ARHGAP24: variants seen among roughly 807,000 people sequenced by gnomAD.
ARHGAP24 encodes the protein Rho GTPase activating protein 24, also known as rho GTPase-activating protein 24.
Under a neutral mutation model 76.4 loss-of-function variants are expected in ARHGAP24, and 50 were observed. That is an observed-to-expected ratio of 0.65 (90% CI 0.52 to 0.83). The LOEUF (loss-of-function observed/expected upper bound fraction) is 0.83. ARHGAP24 is among the 40% of genes least tolerant of loss of function. The pLI, the probability that ARHGAP24 is intolerant of heterozygous loss-of-function variation, is 0.00. For synonymous variants in ARHGAP24, 345 were observed against 323.3 expected (o/e 1.07, Z -0.72); for missense variants, 930 against 914.2 (o/e 1.02, Z -0.22).
intron 5 of ARHGAP24, among the ~76,000 whole-genome samples, chr4:85,960,816 C>CT (rs1738200553): frequency 6.6e-6 from 1 of 152,070 alleles, no homozygotes; most frequent in Admixed American, 6.6e-5. Context: ...AGTCATAGTC[C>CT]TATCTATGAA....
chr4:85,691,013 C>G (rs2110017700), intron 2 of ARHGAP24, among the ~76,000 whole-genome samples: 1 of 152,188 alleles, frequency 6.6e-6, no homozygotes, highest in South Asian at 2.1e-4. Flanking sequence ...ACACTGCTTT[C>G]ATCGCATCCC....
rs1235272575 is a variant in ARHGAP24, at chr4:85,475,356, G to C, written c.-224G>C. ...ATCCCCCCAACTTCCCATCGCAGGC[G>C]CAGCTCTCTCGGCCGCCTATTTCCT... On this transcript the variant is annotated 5_prime_UTR_variant, in exon 1 of 10. Transcript: ENST00000395184. The C allele has an allele frequency of 6.5e-6, 1 of 152,858 alleles. No individual in the cohort carries two copies. The highest frequency in any genetic ancestry group is 2.4e-5 in the African/African-American group (1 of 41,438). The allele number at this position is 152,858 out of a possible 1,614,324, so 9.5% of individuals were successfully genotyped here. A position where few individuals can be genotyped will look rare whatever the true frequency, so the allele number is the denominator to read the frequency against.
intron 3 of ARHGAP24, among the ~76,000 whole-genome samples, chr4:85,834,854 T>C (rs345369): frequency 0.95 from 144,284 of 152,222 alleles, 68,871 homozygotes; most frequent in East Asian, 1. Context: ...TCCATTTATG[T>C]GAAAACCCAA....
chr4:85,773,122 A>G (rs1042718935), intron 3 of ARHGAP24, among the ~76,000 whole-genome samples: 16 of 152,308 alleles, frequency 1.1e-4, no homozygotes, highest in Middle Eastern at 3.4e-3. Context: ...GCCTTCTAAC[A>G]TCTTCCTACC....
chr4:85,767,775 G>A (rs1041795112), intron 3 of ARHGAP24, among the ~76,000 whole-genome samples: 19 of 152,180 alleles, frequency 1.2e-4, no homozygotes, highest in African/African-American at 4.6e-4. Flanking sequence ...AAGGCTCTTA[G>A]CAAACTATGA....
chr4:85,919,154 T>C (rs954892629), intron 3 of ARHGAP24, among the ~76,000 whole-genome samples: 3 of 152,198 alleles, frequency 2.0e-5, no homozygotes, highest in African/African-American at 7.2e-5. Flanking sequence ...ATTTCACCTC[T>C]TGAAAGAATT....
At chr4:85,904,206 G>A (rs1291962569) in intron 3 of ARHGAP24, among the ~76,000 whole-genome samples, 1 of 152,184 alleles carries the variant, frequency 6.6e-6, no homozygotes, top group Non-Finnish European at 1.5e-5. Context: ...AAGCATAGCA[G>A]CATCTGCTTC....
At chr4:85,887,336 G>C (rs977468127) in intron 3 of ARHGAP24, among the ~76,000 whole-genome samples, 1 of 152,038 alleles carries the variant, frequency 6.6e-6, no homozygotes, top group South Asian at 2.1e-4. Context: ...TCTCATCCAA[G>C]GTTAATTAAT....
chr4:85,894,235 G>A (rs796205430), intron 3 of ARHGAP24, among the ~76,000 whole-genome samples: 14 of 152,180 alleles, frequency 9.2e-5, no homozygotes, highest in African/African-American at 3.4e-4. Flanking sequence ...AGAGAAGAGA[G>A]GGAGATGTCA....
At chr4:85,816,689 T>C (rs936410849) in intron 3 of ARHGAP24, among the ~76,000 whole-genome samples, 1 of 152,240 alleles carries the variant, frequency 6.6e-6, no homozygotes, top group African/African-American at 2.4e-5. Flanking sequence ...GAGGTTGATT[T>C]TATATCTTGG....
intron 1 of ARHGAP24, among the ~76,000 whole-genome samples, chr4:85,557,025 A>G (rs557603124): frequency 6.6e-6 from 1 of 152,274 alleles, no homozygotes; most frequent in East Asian, 1.9e-4. Flanking sequence ...GAGAGTCCCG[A>G]GTCACTGCAC....
chr4:85,810,986 C>T (rs1227232556), intron 3 of ARHGAP24, among the ~76,000 whole-genome samples: 1 of 152,110 alleles, frequency 6.6e-6, no homozygotes, highest in Non-Finnish European at 1.5e-5. Context: ...AATGCCTATA[C>T]AAACATTTCC....
chr4:85,951,939 T>C (rs1174227684), intron 5 of ARHGAP24, among the ~76,000 whole-genome samples: 3 of 151,532 alleles, frequency 2.0e-5, no homozygotes, highest in Non-Finnish European at 4.4e-5. Flanking sequence ...TATCATAAAG[T>C]TATTAAGTTT....
intron 5 of ARHGAP24, among the ~76,000 whole-genome samples, chr4:85,960,401 T>C (rs750456613): frequency 6.6e-6 from 1 of 152,140 alleles, no homozygotes; most frequent in Non-Finnish European, 1.5e-5. Flanking sequence ...GGAACACACA[T>C]TTACATACCC....
chr4:85,486,337 C>T (rs1723049647), intron 1 of ARHGAP24, among the ~76,000 whole-genome samples: 1 of 151,938 alleles, frequency 6.6e-6, no homozygotes, highest in South Asian at 2.1e-4. Context: ...ATACAAGGGT[C>T]AAGATACCAA....
chr4:85,758,657 G>T (rs766571143), intron 3 of ARHGAP24, among the ~76,000 whole-genome samples: 1 of 152,214 alleles, frequency 6.6e-6, no homozygotes, highest in Non-Finnish European at 1.5e-5. Context: ...AAGGCAAGTG[G>T]GAAGATGGAC....
chr4:85,997,262 A>G (rs1222256270), intron 9 of ARHGAP24, among the ~76,000 whole-genome samples: 1 of 152,074 alleles, frequency 6.6e-6, no homozygotes, highest in African/African-American at 2.4e-5. Context: ...AGATGGATGG[A>G]TAGATAGGTA....
In ARHGAP24 at chr4:85,655,798, GAGAGAGAGAGAGAGAGAGAA is replaced by G. The variant is rs1261101176; in HGVS notation, c.181-66067_181-66048del. On this transcript the variant is annotated intron_variant, in intron 2 of 9. Transcript: ENST00000395184. ...ATATATATATATATATATATAGAGA[GAGAGAGAGAGAGAGAGAGAA>G]AGAGAGAGAGAGAGAGAGAGAGAGA... Among the ~76,000 whole-genome samples, 98 of 42,832 alleles carry G rather than the reference GAGAGAGAGAGAGAGAGAGAA, an allele frequency of 2.3e-3. 1 individual carries two copies. The highest frequency in any genetic ancestry group is 0.014 in the East Asian group (16 of 1,172). 28.1% of individuals were successfully genotyped at this position (42,832 alleles called of 152,430 possible).
chr4:85,593,376 T>A (rs1040167635), intron 2 of ARHGAP24, among the ~76,000 whole-genome samples: 3 of 152,150 alleles, frequency 2.0e-5, no homozygotes, highest in African/African-American at 7.2e-5. Context: ...AGATAAGTGG[T>A]TTGCAAATAT....
Sources: allele counts gnomAD v4.1 joint callset (sites outside exome capture counted in the v4.1 genomes callset), GRCh38; gene constraint gnomAD v4.1.1; transcripts MANE v1.5; gene names NCBI Gene and HGNC (gene_info 2026-07-23, HGNC 2026-07-21).